Variants in UNC13C observed in about 807,000 individuals in gnomAD.
UNC13C encodes the protein unc-13 homolog C.
Under a neutral mutation model 245.4 loss-of-function variants are expected in UNC13C, and 174 were observed. The observed-to-expected ratio is 0.71, with a 90% confidence interval of 0.63 to 0.80. The LOEUF (loss-of-function observed/expected upper bound fraction) is 0.80. Among genes scored for constraint, UNC13C ranks in the 30% least tolerant of loss-of-function variants. UNC13C has a pLI of 0.00. For missense variants in UNC13C, 2,829 were observed against 2,602.9 expected, an observed-to-expected ratio of 1.09 and a Z score of -1.89; for synonymous variants, 992 against 895.1, an observed-to-expected ratio of 1.11 and a Z score of -1.93.
intron 13 of UNC13C, among the ~76,000 whole-genome samples, chr15:54,310,092 C>T (rs1324836107): frequency 6.6e-6 from 1 of 151,470 alleles, no homozygotes; most frequent in African/African-American, 2.4e-5. Context: ...TACTTTTTGA[C>T]CTTTTTTTTT....
At chr15:53,859,274 T>C in the UNC13C span, among the ~76,000 whole-genome samples, 2 of 151,966 alleles carry the variant, frequency 1.3e-5, no homozygotes, top group African/African-American at 4.8e-5. Context: ...GCTAGATGAA[T>C]TGATTCTTTT....
chr15:54,612,581 ACTC>A (rs1409090908), intron 30 of UNC13C, among the ~76,000 whole-genome samples: 1 of 151,890 alleles, frequency 6.6e-6, no homozygotes, highest in Non-Finnish European at 1.5e-5. Flanking sequence ...AATAGTAAAA[ACTC>A]CTCCTAGAAC....
intron 17 of UNC13C, among the ~76,000 whole-genome samples, chr15:54,347,088 T>A (rs552631122): frequency 5.3e-5 from 8 of 152,286 alleles, no homozygotes; most frequent in African/African-American, 1.4e-4. Flanking sequence ...TAGTGATTAT[T>A]GCTAGCATGA....
At chr15:54,333,447 A>G (rs2038493674) in intron 15 of UNC13C, among the ~76,000 whole-genome samples, 3 of 152,024 alleles carry the variant, frequency 2.0e-5, no homozygotes, top group African/African-American at 7.2e-5. Flanking sequence ...TGCTATACTT[A>G]ATCCTTTTAG....
At chr15:54,126,594 A>G (rs1452243581) in intron 2 of UNC13C, among the ~76,000 whole-genome samples, 1 of 152,162 alleles carries the variant, frequency 6.6e-6, no homozygotes, top group Non-Finnish European at 1.5e-5. Context: ...AAGACCTAAA[A>G]CCATAAAAAT....
In UNC13C at chr15:54,393,119, T is replaced by A. The variant is rs374822122; in HGVS notation, c.4785T>A (p.Leu1595=). 1.3e-5 allele frequency: 21 copies of A among 1,611,324 alleles called. No homozygotes were observed. The African/African-American group carries it at 2.5e-4, about 20-fold the overall frequency. The change falls in exon 18 of 33, where the codon CTT becomes CTA. Residue 1595 remains leucine (L), a synonymous_variant. Coordinates refer to ENST00000260323, the MANE Select transcript of UNC13C (RefSeq NM_001080534.3). ...AGAATTTGGATTTTTGGCCCCAACT[T>A]ATTACACTGATGGTTACTATTATTG... ...TTKNLDFWPQ[L]ITLMVTIIDE...
At chr15:54,010,733 G>A (rs370208842) in intron 1 of UNC13C, among the ~76,000 whole-genome samples, 7 of 152,026 alleles carry the variant, frequency 4.6e-5, no homozygotes, top group East Asian at 3.9e-4. Flanking sequence ...AGACCACGTC[G>A]GATACAATTG....
chr15:54,479,942 A>T (rs1005599153), intron 19 of UNC13C, among the ~76,000 whole-genome samples: 2 of 151,792 alleles, frequency 1.3e-5, no homozygotes, highest in African/African-American at 4.8e-5. Flanking sequence ...TTTTATTGGC[A>T]GTTTTTTGTT....
chr15:54,552,520 T>A (rs1484963214), intron 28 of UNC13C, among the ~76,000 whole-genome samples: 8 of 38,674 alleles, frequency 2.1e-4, no homozygotes, highest in Admixed American at 4.5e-4. Context: ...TATTATATAT[T>A]ATATATAATA....
intron 4 of UNC13C, among the ~76,000 whole-genome samples, chr15:54,178,420 C>T (rs1327186368): frequency 6.6e-6 from 1 of 151,986 alleles, no homozygotes; most frequent in Admixed American, 6.6e-5. Flanking sequence ...AATTTTTAAG[C>T]TATTCATGAA....
Position 54,264,205 on chromosome 15 carries a change from C to G in UNC13C, c.3486C>G (p.Asp1162Glu). ...AEKSSKHGAE[D>E]KTQTIITAMK... ...AGAGTTCTAAACATGGTGCCGAAGA[C>G]AAGACTCAGACCATTATTACAGCAA... The change falls in exon 9 of 33, where the codon GAC (aspartate) becomes GAG (glutamate). Residue 1162 changes from aspartate (D) to glutamate (E), a missense_variant. Asp to Glu is a conservative substitution (Grantham distance 45). Coordinates refer to ENST00000260323, the MANE Select transcript of UNC13C (RefSeq NM_001080534.3). 3 of 1,590,440 alleles carry G rather than the reference C, an allele frequency of 1.9e-6. No individual in the cohort carries two copies. Among genetic ancestry groups the G allele is most frequent in the African/African-American group, 2.7e-5 (2 of 74,530 alleles).
chr15:54,336,174 A>G (rs1031652136), intron 16 of UNC13C, among the ~76,000 whole-genome samples: 2 of 152,068 alleles, frequency 1.3e-5, no homozygotes, highest in Non-Finnish European at 2.9e-5. Context: ...AAATTGATAG[A>G]TAAAATTGTA....
intron 2 of UNC13C, among the ~76,000 whole-genome samples, chr15:54,137,487 A>G (rs1367658732): frequency 6.6e-6 from 1 of 152,044 alleles, no homozygotes; most frequent in Non-Finnish European, 1.5e-5. Context: ...ATTGATGACT[A>G]CTTCCATGTT....
At chr15:54,329,081 G>GTTTTTT (rs36002521) in intron 14 of UNC13C, among the ~76,000 whole-genome samples, 3 of 121,626 alleles carry the variant, frequency 2.5e-5, no homozygotes, top group Non-Finnish European at 3.4e-5. Flanking sequence ...ATTAAACCAA[G>GTTTTTT]TTTTTTTTTT....
the UNC13C span, among the ~76,000 whole-genome samples, chr15:53,939,736 C>A: frequency 6.6e-6 from 1 of 152,000 alleles, no homozygotes; most frequent in African/African-American, 2.4e-5. Context: ...ACAACAAAAA[C>A]CACACAATTA....
At chr15:54,483,978 T>C (rs1293073804) in intron 19 of UNC13C, among the ~76,000 whole-genome samples, 1 of 151,896 alleles carries the variant, frequency 6.6e-6, no homozygotes, top group Non-Finnish European at 1.5e-5. Flanking sequence ...ACTCACACAC[T>C]TCCTGGCTAG....
intron 4 of UNC13C, among the ~76,000 whole-genome samples, chr15:54,160,387 T>G (rs1349183471): frequency 6.7e-6 from 1 of 148,786 alleles, no homozygotes; most frequent in Non-Finnish European, 1.5e-5. Context: ...CTCCTAACAA[T>G]GCATACTAGA....
intron 23 of UNC13C, among the ~76,000 whole-genome samples, chr15:54,509,348 A>T (rs1320182502): frequency 1.3e-5 from 2 of 152,214 alleles, no homozygotes; most frequent in Non-Finnish European, 2.9e-5. Context: ...AAATATTTTT[A>T]TTTATTTAAT....
At chr15:54,523,091 C>T (rs74016645) in intron 24 of UNC13C, among the ~76,000 whole-genome samples, 4,283 of 152,258 alleles carry the variant, frequency 0.028, 170 homozygotes, top group African/African-American at 0.094. Flanking sequence ...AGGCAATGAG[C>T]TCTCAGCTCC....
Sources: gnomAD v4.1 joint callset for allele counts (sites outside exome capture counted in the v4.1 genomes callset) on GRCh38, gnomAD v4.1.1 for gene constraint, MANE v1.5 for transcripts, NCBI Gene and HGNC (gene_info 2026-07-23, HGNC 2026-07-21) for gene names.